The following STK25 variants were observed in gnomAD, a reference collection of about 807,000 sequenced individuals.
The protein encoded by STK25 is serine/threonine-protein kinase 25.
STK25 carries 29 observed loss-of-function variants against 53.8 expected under a neutral mutation model. The ratio of observed to expected loss-of-function variants is 0.54; its 90% CI spans 0.40 to 0.74. The LOEUF is 0.74. STK25 is among the 30% of genes least tolerant of loss of function. The probability of loss-of-function intolerance (pLI) is 0.00; values close to 1 mark genes in which losing one functional copy is unlikely to be tolerated. For synonymous variants in STK25, 247 were observed against 238.3 expected (o/e 1.04, Z -0.33); for missense variants, 420 against 568.0 (o/e 0.74, Z 2.65).
Position 241,498,871 on chromosome 2 carries a change from G to A in STK25, c.772-87C>T, listed in dbSNP as rs778721465. 58 of 1,605,748 alleles carry A rather than the reference G, an allele frequency of 3.6e-5. No homozygotes were observed. The South Asian group carries it at 4.2e-4, about 12-fold the overall frequency. On this transcript the variant is annotated intron_variant, in intron 7 of 11. Transcript: ENST00000316586. ...AACGTGAGGCAGCCTGGACCGGGGC[G>A]GGCCCTCACAGCTACAAGGCTGGTG...
intron 2 of STK25, among the ~76,000 whole-genome samples, chr2:241,507,188 A>C (rs2065882850): frequency 6.6e-6 from 1 of 152,236 alleles, no homozygotes; most frequent in African/African-American, 2.4e-5. Context: ...AAGAAAACCC[A>C]GCGGCCAGAG....
rs573076039 is a variant in STK25 at position 241,493,024 on chromosome 2, C to T, written c.*2638G>A. ...TTACCAACTTCTGTTTGTTCTTCTA[C>T]AAAACTCATCAGGTACTGGAGTTTC... On this transcript the variant is annotated 3_prime_UTR_variant, in exon 12 of 12. Transcript: ENST00000316586. 2.6e-4 allele frequency: 416 copies of T among 1,585,382 alleles called. 5 individuals carry two copies. In the South Asian group the frequency reaches 4.5e-3, roughly 17 times the overall value.
rs2065106036 is a variant in STK25, at chr2:241,495,705, CAG to C, written c.1242-6_1242-5del. 12 of 1,613,954 alleles carry C rather than the reference CAG, an allele frequency of 7.4e-6. No homozygotes were observed. The highest frequency in any genetic ancestry group is 1.0e-5 in the Non-Finnish European group (12 of 1,179,916). ...GTGGTTTCTGTTGTGTGAAAACCTG[CAG>C]AGAGAAGAGCCCACTGCTGCGTGCG... On this transcript the variant is annotated splice_polypyrimidine_tract_variant and splice_region_variant and intron_variant, in intron 11 of 11. Transcript: ENST00000316586.
chr2:241,500,018 A>C lies in STK25; in HGVS notation c.427+155T>G, dbSNP rs994140354. 2.1e-5 allele frequency: 15 copies of C among 711,614 alleles called. No homozygotes were observed. In the African/African-American group the frequency reaches 2.4e-4, roughly 12 times the overall value. 44.1% of individuals were successfully genotyped at this position (711,614 alleles called of 1,614,324 possible). On this transcript the variant is annotated intron_variant, in intron 5 of 11. Coordinates refer to ENST00000316586, the MANE Select transcript of STK25 (RefSeq NM_001271977.2). The stretch of plus-strand genomic sequence containing the variant: ...TACAAGTAGTATCTTCTGGAAAGGG[A>C]GCGAGACAGGACTGCTCAGTTTCAG...
In STK25 at chr2:241,499,018, C is replaced by G. The variant is rs1044177388; in HGVS notation, c.742G>C (p.Glu248Gln). 1 of 1,613,962 alleles carries G rather than the reference C, an allele frequency of 6.2e-7. No individual in the cohort carries two copies. The highest frequency in any genetic ancestry group is 1.3e-5 in the African/African-American group (1 of 75,054). ...QHSKPFKEFVEACLNKDPRFR... is the reference protein window; with the variant it reads ...QHSKPFKEFVQACLNKDPRFR... Reference sequence around the variant, plus strand: ...CGGGGGTCTTTGTTGAGGCAGGCCTCCACGAACTCCTTGAAGGGCTTGCTG... The same window carrying G: ...CGGGGGTCTTTGTTGAGGCAGGCCTGCACGAACTCCTTGAAGGGCTTGCTG... Residue 248 changes from glutamate to glutamine, a missense_variant, in exon 7 of 12, where the codon GAG becomes CAG. Coordinates refer to ENST00000316586, the MANE Select transcript of STK25 (RefSeq NM_001271977.2).
At chr2:241,497,397 C>A in intron 10 of STK25, 1 of 557,478 alleles carries the variant, frequency 1.8e-6, no homozygotes, top group Middle Eastern at 3.2e-4. Flanking sequence ...AAAAAAGTCA[C>A]CCTAGGAACC....
intron 2 of STK25, among the ~76,000 whole-genome samples, chr2:241,503,104 C>T (rs902792459): frequency 1.3e-5 from 2 of 152,120 alleles, no homozygotes; most frequent in African/African-American, 4.8e-5. Flanking sequence ...CACTCTGTCA[C>T]CCAGGCTGGA....
chr2:241,499,095 C>T lies in STK25; in HGVS notation c.665G>A (p.Arg222His), dbSNP rs2065355727. The T allele has an allele frequency of 2.5e-6, 4 of 1,614,064 alleles. No homozygotes were observed. The highest frequency in any genetic ancestry group is 1.3e-5 in the African/African-American group (1 of 75,028). Residue 222 changes from arginine to histidine, a missense_variant, in exon 7 of 12, where the codon CGC (arginine) becomes CAC (histidine). Coordinates refer to ENST00000316586, the MANE Select transcript of STK25 (RefSeq NM_001271977.2). The part of the protein sequence containing the change: ...EPPNSDLHPM[R>H]VLFLIPKNSP... ...GTTCTTGGGAATCAGGAACAGGACG[C>T]GCATGGGGTGGAGGTCAGAGTTTGG...
intron 9 of STK25, 99 bp from the exon 10 acceptor site, chr2:241,497,786 TGGGA>T: frequency 1.6e-6 from 2 of 1,256,058 alleles, no homozygotes; most frequent in Non-Finnish European, 2.3e-6. Context: ...AGACAGAGGC[TGGGA>T]GCAGCCTGTC....
At chr2:241,507,857 C>T (rs2065937646) in intron 2 of STK25, 149 bp downstream of exon 2, 1 of 833,364 alleles carries the variant, frequency 1.2e-6, no homozygotes, top group Admixed American at 2.5e-5. Flanking sequence ...CCTGCGCCCA[C>T]CTCAGGACGG....
chr2:241,505,836 C>T (rs1052014359), intron 2 of STK25, among the ~76,000 whole-genome samples: 2 of 152,118 alleles, frequency 1.3e-5, no homozygotes, highest in East Asian at 1.9e-4. Flanking sequence ...GGTAAGTGGG[C>T]CCCTGGCCTG....
rs1231430593 is a variant in STK25, at chr2:241,497,877, CT to C, written c.1033-191del. On this transcript the variant is annotated intron_variant, in intron 9 of 11. Transcript: ENST00000316586. ...TGACTCTGAGGGCGACTCCCACCCT[CT>C]CCTGACTCTGAGGGCCTGTGACTCC... Among the ~76,000 whole-genome samples, 30 of 151,856 alleles carry C rather than the reference CT, an allele frequency of 2.0e-4. 1 individual carries two copies. Among genetic ancestry groups the C allele is most frequent in the African/African-American group, 3.9e-4 (16 of 41,426 alleles).
rs1418305061 is a variant in STK25 at position 241,498,667 on chromosome 2, C to G, written c.889G>C (p.Glu297Gln). The G allele has an allele frequency of 6.2e-7, 1 of 1,613,892 alleles. No homozygotes were observed. Among genetic ancestry groups the G allele is most frequent in the Non-Finnish European group, 8.5e-7 (1 of 1,180,000 alleles). ...TCAGAGTCCTCAGAGCTGGACTCCT[C>G]GCCATGCCCCTCTGACTTCCAGCGC... ...YKRWKSEGHG[E>Q]ESSSEDSDID... The change falls in exon 8 of 12, where the codon GAG (glutamate) becomes CAG (glutamine). Residue 297 changes from glutamate to glutamine, a missense_variant. Coordinates refer to ENST00000316586, the MANE Select transcript of STK25 (RefSeq NM_001271977.2).
chr2:241,501,220 A>G lies in STK25; in HGVS notation c.261+258T>C. On this transcript the variant is annotated intron_variant, in intron 3 of 11. Transcript: ENST00000316586. The surrounding 1 kb of genome is among the most constrained non-coding windows in gnomAD (Gnocchi z 5.3). ...CACAGGCCCACTCACCACTGCCAGT[A>G]GGGGCCCCCCAGAGTGCTCCTAGCA... 1 of 568,706 alleles carries G rather than the reference A, an allele frequency of 1.8e-6. No homozygotes were observed. 35.2% of individuals were successfully genotyped at this position (568,706 alleles called of 1,614,324 possible).
At position 241,495,610 on chromosome 2, in the gene STK25, C is replaced by T; in HGVS notation, c.*52G>A. The T allele has an allele frequency of 6.2e-7, 1 of 1,600,852 alleles. No individual in the cohort carries two copies. Among genetic ancestry groups the T allele is most frequent in the Non-Finnish European group, 8.6e-7 (1 of 1,167,886 alleles). Reference sequence around the variant, plus strand: ...CCAAGTCAGCACAGTTCTTATGGAGCTCAGAACAAAAACAAACGACCTTCC... The same window carrying T: ...CCAAGTCAGCACAGTTCTTATGGAGTTCAGAACAAAAACAAACGACCTTCC... On this transcript the variant is annotated 3_prime_UTR_variant, in exon 12 of 12. Coordinates refer to ENST00000316586, the MANE Select transcript of STK25 (RefSeq NM_001271977.2).
chr2:241,507,939 AC>A, intron 2 of STK25, 66 bp downstream of exon 2: 2 of 1,467,420 alleles, frequency 1.4e-6, no homozygotes, highest in South Asian at 1.2e-5. Context: ...TCCCCTCTGA[AC>A]CCCCAGGAGA....
rs556650478 is a variant in STK25 at position 241,495,539 on chromosome 2, G to A, written c.*123C>T. 108 of 1,046,832 alleles carry A rather than the reference G, an allele frequency of 1.0e-4. 2 individuals are homozygous for A. The highest frequency in any genetic ancestry group is 9.8e-4 in the South Asian group (73 of 74,152). The allele number at this position is 1,046,832 out of a possible 1,614,324, so 64.8% of individuals were successfully genotyped here. A position where few individuals can be genotyped will look rare whatever the true frequency, so the allele number is the denominator to read the frequency against. On this transcript the variant is annotated 3_prime_UTR_variant, in exon 12 of 12. Transcript: ENST00000316586. ...TGGTGACCTGGCATGTGAGGCCCAC[G>A]GGATCCGACGTGTCCCTGCAGGCAC...
At chr2:241,508,311 C>T (rs546474683) in intron 1 of STK25, 132 bp downstream of exon 1, 2 of 1,247,634 alleles carry the variant, frequency 1.6e-6, no homozygotes, top group African/African-American at 1.6e-5. Flanking sequence ...CCCGTCGCCG[C>T]CCCCACCTCT....
At chr2:241,507,367 G>C (rs1328554794) in intron 2 of STK25, among the ~76,000 whole-genome samples, 4 of 152,184 alleles carry the variant, frequency 2.6e-5, no homozygotes, top group Non-Finnish European at 5.9e-5. Context: ...GCTTAAAGGT[G>C]GCTCCATAGT....
Sources: allele counts gnomAD v4.1 joint callset (sites outside exome capture counted in the v4.1 genomes callset), GRCh38; gene constraint gnomAD v4.1.1; non-coding constraint Gnocchi (gnomAD v3.1); transcripts MANE v1.5; gene names NCBI Gene and HGNC (gene_info 2026-07-23, HGNC 2026-07-21).